The following CCDC195 variants were observed in gnomAD, a reference collection of about 807,000 sequenced individuals.
CCDC195 encodes the protein coiled-coil domain containing 195, also known as coiled-coil domain-containing protein 195.
At position 224,709,978 on chromosome 2, in the gene CCDC195, AC is replaced by A. The variant is rs1186419541; in HGVS notation, c.476del (p.Gly159ValfsTer27). 1 of 398,618 alleles carries A rather than the reference AC, an allele frequency of 2.5e-6. No homozygotes were observed. The highest frequency in any genetic ancestry group is 4.4e-5 in the Admixed American group (1 of 22,736). The allele number at this position is 398,618 out of a possible 1,614,324, so 24.7% of individuals were successfully genotyped here. A position where few individuals can be genotyped will look rare whatever the true frequency, so the allele number is the denominator to read the frequency against. On this transcript the variant is annotated frameshift_variant, in exon 2 of 3. Transcript: ENST00000638102. LOFTEE classifies it high-confidence loss of function. Reference sequence around the variant, plus strand: ...TGAAGTGTATTTTACATTACCTGCAACCACAAACATGCTCAGGAGAAGCTCT... The same window carrying A: ...TGAAGTGTATTTTACATTACCTGCAACACAAACATGCTCAGGAGAAGCTCT...
At chr2:224,705,818 A>G (rs766914966) in intron 2 of CCDC195, among the ~76,000 whole-genome samples, 1 of 152,152 alleles carries the variant, frequency 6.6e-6, no homozygotes, top group East Asian at 1.9e-4. Flanking sequence ...AATTGGCTCA[A>G]TCTTTCAAAT....
At chr2:224,708,369 T>C (rs1391387366) in intron 2 of CCDC195, among the ~76,000 whole-genome samples, 1 of 152,212 alleles carries the variant, frequency 6.6e-6, no homozygotes, top group African/African-American at 2.4e-5. Flanking sequence ...CGAGTGGCCT[T>C]TAATGATGAA....
rs1381225313 is a variant in CCDC195 at position 224,705,428 on chromosome 2, G to A, written c.483-1541C>T. Among the ~76,000 whole-genome samples the A allele has an allele frequency of 2.0e-5, 3 of 152,102 alleles. No homozygotes were observed. The East Asian group carries it at 5.8e-4, about 29-fold the overall frequency. On this transcript the variant is annotated intron_variant, in intron 2 of 2. Coordinates refer to ENST00000638102, the Ensembl canonical transcript of CCDC195. ...AAATCCTGTTTTTAGTTTCTGGAAA[G>A]CTTTGATTCTTAGAAATATTGACAT...
intron 2 of CCDC195, among the ~76,000 whole-genome samples, chr2:224,706,189 C>CTTTTTTT (rs201012911): frequency 0.022 from 740 of 33,368 alleles, 278 homozygotes; most frequent in African/African-American, 0.023. Context: ...TATTTTGTAA[C>CTTTTTTT]TTTTTTTTTT....
rs141538208 is a variant in CCDC195, at chr2:224,712,857, T to C, written c.236-2638A>G. On this transcript the variant is annotated intron_variant, in intron 1 of 2. Transcript: ENST00000638102. ...TGGATGATCTCTTCCCTCCCTCCCT[T>C]CCTTCCTTCCTTCCTTCCCTCCTTC... Among the ~76,000 whole-genome samples, 688 of 148,540 alleles carry C rather than the reference T, an allele frequency of 4.6e-3. 6 individuals carry two copies. The highest frequency in any genetic ancestry group is 0.016 in the African/African-American group (653 of 40,654).
intron 2 of CCDC195, among the ~76,000 whole-genome samples, chr2:224,704,319 A>G (rs1197015155): frequency 6.6e-6 from 1 of 152,208 alleles, no homozygotes; most frequent in African/African-American, 2.4e-5. Flanking sequence ...ATCATGCCTG[A>G]AGAGTAAAGG....
chr2:224,711,650 G>A (rs998438503), intron 1 of CCDC195, among the ~76,000 whole-genome samples: 3 of 152,072 alleles, frequency 2.0e-5, no homozygotes, highest in African/African-American at 7.2e-5. Context: ...TGCCATGAAC[G>A]AGCATGAAAG....
intron 1 of CCDC195, among the ~76,000 whole-genome samples, chr2:224,713,500 G>A (rs892991903): frequency 7.9e-5 from 12 of 152,082 alleles, no homozygotes; most frequent in Non-Finnish European, 1.3e-4. Flanking sequence ...AATAGGACTT[G>A]GAAGACATTT....
At chr2:224,710,296 T>G (rs996594419) in intron 1 of CCDC195, 77 bp from the exon 2 acceptor site, 11 of 397,716 alleles carry the variant, frequency 2.8e-5, no homozygotes, top group African/African-American at 2.3e-4. Flanking sequence ...GATAGAATTT[T>G]ATTGAAACTA....
At chr2:224,709,355 G>A (rs556471999) in intron 2 of CCDC195, among the ~76,000 whole-genome samples, 8 of 152,256 alleles carry the variant, frequency 5.3e-5, no homozygotes, top group African/African-American at 1.9e-4. Context: ...ATCCCAAAGT[G>A]CTTTCTTGAC....
chr2:224,716,352 A>G (rs1022294941), exon 1 of CCDC195: 21 of 398,444 alleles, frequency 5.3e-5, no homozygotes, highest in Non-Finnish European at 9.3e-5. Flanking sequence ...CATGAGCTGG[A>G]TATCAGCTTC....
intron 1 of CCDC195, among the ~76,000 whole-genome samples, chr2:224,711,678 A>G (rs1377382663): frequency 6.6e-6 from 1 of 152,158 alleles, no homozygotes; most frequent in Non-Finnish European, 1.5e-5. Context: ...AAACCACTGC[A>G]TTATGGGTAG....
chr2:224,708,270 A>G (rs1689253475), intron 2 of CCDC195, among the ~76,000 whole-genome samples: 1 of 152,202 alleles, frequency 6.6e-6, no homozygotes, highest in Non-Finnish European at 1.5e-5. Flanking sequence ...TTTGGAAAAT[A>G]TTTACAGAAT....
intron 1 of CCDC195, among the ~76,000 whole-genome samples, chr2:224,711,659 A>C (rs1689321328): frequency 6.6e-6 from 1 of 152,156 alleles, no homozygotes; most frequent in Admixed American, 6.5e-5. Flanking sequence ...CGAGCATGAA[A>C]GCGTAAAAAA....
chr2:224,715,738 C>T (rs1023426286), intron 1 of CCDC195, among the ~76,000 whole-genome samples: 2 of 152,144 alleles, frequency 1.3e-5, no homozygotes, highest in Non-Finnish European at 2.9e-5. Context: ...CATCCATTCC[C>T]TTATCTGGTG....
rs569058048 is a variant in CCDC195 at position 224,713,088 on chromosome 2, C to T, written c.236-2869G>A. On this transcript the variant is annotated intron_variant, in intron 1 of 2. Transcript: ENST00000638102. ...TTCACCATGTTAGCCAGGATGGTCT[C>T]GATCTCCTGACCTCGTGATCCACCC... Among the ~76,000 whole-genome samples the T allele has an allele frequency of 6.6e-5, 10 of 152,196 alleles. No homozygotes were observed. In the East Asian group the frequency reaches 1.5e-3, roughly 24 times the overall value.
intron 1 of CCDC195, among the ~76,000 whole-genome samples, chr2:224,713,195 C>T (rs1056426818): frequency 1.3e-5 from 2 of 152,064 alleles, no homozygotes; most frequent in East Asian, 1.9e-4. Flanking sequence ...TAACAGATTT[C>T]TATGATTCAA....
chr2:224,715,473 G>T (rs935405035), intron 1 of CCDC195, among the ~76,000 whole-genome samples: 2 of 152,176 alleles, frequency 1.3e-5, no homozygotes, highest in African/African-American at 4.8e-5. Context: ...TGAATTATGT[G>T]CAGTATTCAT....
chr2:224,707,128 C>G (rs1689220461), intron 2 of CCDC195, among the ~76,000 whole-genome samples: 2 of 152,028 alleles, frequency 1.3e-5, no homozygotes, highest in Admixed American at 6.6e-5. Context: ...GAAATGATCC[C>G]CTCTTGCCTA....
Sources: allele counts gnomAD v4.1 joint callset (sites outside exome capture counted in the v4.1 genomes callset), GRCh38; gene constraint gnomAD v4.1.1; transcripts MANE v1.5; gene names NCBI Gene and HGNC (gene_info 2026-07-23, HGNC 2026-07-21).